The following MAGI2 variants were observed in gnomAD, a reference collection of about 807,000 sequenced individuals.
The protein encoded by MAGI2 is membrane associated guanylate kinase, WW and PDZ domain containing 2.
Under a neutral mutation model 133.3 loss-of-function variants are expected in MAGI2, and 35 were observed. The observed-to-expected ratio is 0.26, with a 90% CI of 0.20 to 0.35. The LOEUF (loss-of-function observed/expected upper bound fraction) is 0.35. MAGI2 is among the 10% of genes least tolerant of loss of function. The pLI is 1.00. For missense variants in MAGI2, 1,636 were observed against 1,863.4 expected (o/e 0.88, Z 2.25); for synonymous variants, 729 against 710.6 (o/e 1.03, Z -0.41).
intron 10 of MAGI2, among the ~76,000 whole-genome samples, chr7:78,221,075 T>C (rs1406573137): frequency 2.6e-5 from 4 of 152,226 alleles, no homozygotes; most frequent in Admixed American, 6.5e-5. Flanking sequence ...TTCTGATCTT[T>C]AGCATGTCAT....
chr7:78,140,759 C>A (rs1240229905), intron 16 of MAGI2, among the ~76,000 whole-genome samples: 3 of 152,166 alleles, frequency 2.0e-5, no homozygotes, highest in Non-Finnish European at 4.4e-5. Context: ...CTACATCAAT[C>A]AACACATTTC....
At chr7:79,066,163 T>C (rs1814304908) in intron 1 of MAGI2, among the ~76,000 whole-genome samples, 1 of 152,146 alleles carries the variant, frequency 6.6e-6, no homozygotes, top group Admixed American at 6.6e-5. Flanking sequence ...TTGAACTAAT[T>C]TACACTCCCA....
intron 2 of MAGI2, among the ~76,000 whole-genome samples, chr7:78,895,985 ATC>A (rs1797183984): frequency 6.6e-6 from 1 of 152,208 alleles, no homozygotes; most frequent in Non-Finnish European, 1.5e-5. Context: ...AAAATTTTCA[ATC>A]AATTTTTCTT....
rs1432457704 is a variant in MAGI2, at chr7:78,019,308, G to A, written c.*7C>T. The A allele has an allele frequency of 3.8e-6, 6 of 1,567,704 alleles. No individual in the cohort carries two copies. The highest frequency in any genetic ancestry group is 1.4e-5 in the African/African-American group (1 of 73,226). On this transcript the variant is annotated 3_prime_UTR_variant, in exon 22 of 22. Transcript: ENST00000354212. ...CGGGGCGGGCGGGTTGGCCGTGGCC[G>A]CGCGGCTCATCTGCTGGCGGCCGAG...
At chr7:79,180,183 C>T (rs546327795) in intron 1 of MAGI2, among the ~76,000 whole-genome samples, 98 of 152,032 alleles carry the variant, frequency 6.4e-4, no homozygotes, top group Non-Finnish European at 9.4e-4. Context: ...CATTAATCAT[C>T]GGGGAAATGC....
intron 6 of MAGI2, among the ~76,000 whole-genome samples, chr7:78,478,933 G>C (rs570468994): frequency 6.6e-6 from 1 of 151,984 alleles, no homozygotes; most frequent in Admixed American, 6.6e-5. Context: ...TGGGACGTGG[G>C]GGCAGCCTTT....
At chr7:78,624,825 T>A (rs1439247703) in intron 3 of MAGI2, among the ~76,000 whole-genome samples, 2 of 152,178 alleles carry the variant, frequency 1.3e-5, no homozygotes, top group African/African-American at 4.8e-5. Context: ...CGTGTAATAC[T>A]TGATATTGAT....
intron 1 of MAGI2, among the ~76,000 whole-genome samples, chr7:79,113,200 C>T (rs921505237): frequency 6.6e-6 from 1 of 152,144 alleles, no homozygotes; most frequent in Non-Finnish European, 1.5e-5. Flanking sequence ...GGGCTGTCAT[C>T]CTTTTTGTCA....
At chr7:79,044,753 C>A (rs1328228466) in intron 1 of MAGI2, among the ~76,000 whole-genome samples, 1 of 152,146 alleles carries the variant, frequency 6.6e-6, no homozygotes, top group African/African-American at 2.4e-5. Flanking sequence ...GTACAAAAAT[C>A]AGTAGCATTT....
At chr7:79,038,382 G>T (rs1811315234) in intron 1 of MAGI2, among the ~76,000 whole-genome samples, 1 of 151,876 alleles carries the variant, frequency 6.6e-6, no homozygotes, top group Non-Finnish European at 1.5e-5. Flanking sequence ...AAAATTTTGT[G>T]TTTTAATCCA....
intron 1 of MAGI2, among the ~76,000 whole-genome samples, chr7:79,280,926 G>GAAA (rs71095390): frequency 1.4e-4 from 5 of 35,786 alleles, no homozygotes; most frequent in Non-Finnish European, 1.9e-4. Flanking sequence ...CTCTGTCTCT[G>GAAA]AAAAAAAAAA....
chr7:79,261,561 T>A (rs1013345652), intron 1 of MAGI2, among the ~76,000 whole-genome samples: 2 of 152,096 alleles, frequency 1.3e-5, no homozygotes, highest in Non-Finnish European at 2.9e-5. Context: ...CTCAGTCACC[T>A]CCCTCTGACC....
chr7:78,883,234 C>T (rs1389236614), intron 2 of MAGI2, among the ~76,000 whole-genome samples: 3 of 151,894 alleles, frequency 2.0e-5, no homozygotes, highest in South Asian at 2.1e-4. Context: ...CAAATCAAGA[C>T]GCAATCCCAT....
At chr7:79,009,278 C>T (rs1326403159) in intron 1 of MAGI2, among the ~76,000 whole-genome samples, 1 of 151,938 alleles carries the variant, frequency 6.6e-6, no homozygotes, top group Non-Finnish European at 1.5e-5. Context: ...TTATCTACCT[C>T]AGAAAACAAC....
At chr7:78,953,600 A>C (rs1802045335) in intron 2 of MAGI2, among the ~76,000 whole-genome samples, 2 of 152,178 alleles carry the variant, frequency 1.3e-5, no homozygotes, top group African/African-American at 4.8e-5. Flanking sequence ...TTCTTAGATC[A>C]ATATGAAAGT....
chr7:78,508,704 T>G (rs915929842), intron 4 of MAGI2, among the ~76,000 whole-genome samples: 11 of 152,126 alleles, frequency 7.2e-5, no homozygotes, highest in Non-Finnish European at 1.5e-4. Context: ...GATCTGTGGT[T>G]TGAGAATTTC....
chr7:79,368,322 G>A lies in MAGI2; in HGVS notation c.301+84698C>T, dbSNP rs528779316. Among the ~76,000 whole-genome samples the A allele has an allele frequency of 3.9e-5, 6 of 152,170 alleles. No homozygotes were observed. In the East Asian group the frequency reaches 1.2e-3, roughly 30 times the overall value. ...ACTTTCCCTAGACAGAAACTGGCTAGGGTCTAAATCAATTAGCCCTCAGAA... is the reference window on the plus strand; with the variant it reads ...ACTTTCCCTAGACAGAAACTGGCTAAGGTCTAAATCAATTAGCCCTCAGAA... On this transcript the variant is annotated intron_variant, in intron 1 of 21. Transcript: ENST00000354212.
chr7:78,653,599 A>T (rs529089921), intron 2 of MAGI2, among the ~76,000 whole-genome samples: 1 of 152,072 alleles, frequency 6.6e-6, no homozygotes, highest in East Asian at 1.9e-4. Context: ...ACACATGGAC[A>T]CAGGGAGGGG....
chr7:78,192,034 G>A (rs1189888241), intron 12 of MAGI2, among the ~76,000 whole-genome samples: 3 of 152,192 alleles, frequency 2.0e-5, no homozygotes, highest in African/African-American at 7.2e-5. Context: ...AGGCTTGTGG[G>A]TGGAGGGGCG....
Sources: allele counts gnomAD v4.1 joint callset (sites outside exome capture counted in the v4.1 genomes callset), GRCh38; gene constraint gnomAD v4.1.1; transcripts MANE v1.5; gene names NCBI Gene and HGNC (gene_info 2026-07-23, HGNC 2026-07-21).